Variants in AGBL4 observed in about 807,000 individuals in gnomAD.
AGBL4 encodes the protein cytosolic carboxypeptidase 6.
AGBL4 carries 58 observed loss-of-function variants against 66.4 expected under a neutral mutation model. The observed-to-expected ratio is 0.87, with a 90% CI of 0.71 to 1.09. The LOEUF (loss-of-function observed/expected upper bound fraction) is 1.09, where lower values mean the gene tolerates loss of function less well. AGBL4 is among the 50% of genes least tolerant of loss of function. The pLI is 0.00. For missense variants in AGBL4, 579 were observed against 631.0 expected (o/e 0.92, Z 0.88); for synonymous variants, 234 against 222.9 (o/e 1.05, Z -0.44).
At chr1:48,961,082 T>G (rs1300208218) in intron 5 of AGBL4, among the ~76,000 whole-genome samples, 39 of 134,524 alleles carry the variant, frequency 2.9e-4, no homozygotes, top group Admixed American at 5.1e-4. Context: ...CAGTCTGGGG[T>G]GTGTGTGTGT....
chr1:49,517,577 A>G (rs1434449615), intron 3 of AGBL4, among the ~76,000 whole-genome samples: 1 of 151,952 alleles, frequency 6.6e-6, no homozygotes, highest in Non-Finnish European at 1.5e-5. Flanking sequence ...TAAGCCAGGC[A>G]CTATGCTAGG....
intron 3 of AGBL4, among the ~76,000 whole-genome samples, chr1:49,258,268 C>T (rs193224244): frequency 1.5e-4 from 23 of 152,288 alleles, no homozygotes; most frequent in East Asian, 3.9e-4. Context: ...TCCAAAGGAA[C>T]GCAGTTCCTC....
At chr1:49,698,110 T>C (rs138592766) in intron 2 of AGBL4, among the ~76,000 whole-genome samples, 15 of 152,258 alleles carry the variant, frequency 9.9e-5, no homozygotes, top group African/African-American at 3.6e-4. Context: ...TCACTGATAT[T>C]CTAATGAGCA....
intron 5 of AGBL4, among the ~76,000 whole-genome samples, chr1:49,017,493 A>G (rs1188739088): frequency 6.6e-6 from 1 of 152,190 alleles, no homozygotes; most frequent in Non-Finnish European, 1.5e-5. Flanking sequence ...TAATGGAGAT[A>G]TTTGGAGTTC....
intron 9 of AGBL4, among the ~76,000 whole-genome samples, chr1:48,613,322 C>T (rs1353641235): frequency 6.6e-6 from 1 of 152,110 alleles, no homozygotes; most frequent in African/African-American, 2.4e-5. Context: ...TATTAATTTG[C>T]TTCCCTAAAG....
At chr1:49,237,619 G>C (rs1240111960) in intron 4 of AGBL4, among the ~76,000 whole-genome samples, 1 of 140,484 alleles carries the variant, frequency 7.1e-6, no homozygotes, top group Non-Finnish European at 1.5e-5. Context: ...CAATTTGAGT[G>C]AGGTGTAGAA....
intron 6 of AGBL4, among the ~76,000 whole-genome samples, chr1:48,817,238 G>A (rs1320568097): frequency 2.0e-5 from 3 of 152,130 alleles, no homozygotes; most frequent in Non-Finnish European, 4.4e-5. Flanking sequence ...TGGAATAGTG[G>A]TATTCTGTTA....
At chr1:48,795,396 C>A (rs187088492) in intron 6 of AGBL4, among the ~76,000 whole-genome samples, 248 of 152,170 alleles carry the variant, frequency 1.6e-3, no homozygotes, top group African/African-American at 5.4e-3. Flanking sequence ...TCCTCCCCCT[C>A]CCCCTTTTCC....
chr1:48,663,696 A>T (rs1646142812), intron 6 of AGBL4, among the ~76,000 whole-genome samples: 2 of 152,348 alleles, frequency 1.3e-5, no homozygotes, highest in South Asian at 4.1e-4. Flanking sequence ...CACAGTAAAC[A>T]TTCAGTAAAT....
intron 1 of AGBL4, among the ~76,000 whole-genome samples, chr1:49,915,479 G>A (rs773278705): frequency 4.6e-5 from 7 of 152,080 alleles, no homozygotes; most frequent in African/African-American, 7.2e-5. Context: ...ACCGGGCCTC[G>A]CTCATTGCTA....
At chr1:48,678,062 G>T (rs201098228) in intron 6 of AGBL4, among the ~76,000 whole-genome samples, 2 of 152,196 alleles carry the variant, frequency 1.3e-5, no homozygotes, top group East Asian at 3.9e-4. Flanking sequence ...CTGTGCTGCC[G>T]AAGTACCTCG....
At chr1:48,546,797 G>A (rs530693963) in intron 11 of AGBL4, among the ~76,000 whole-genome samples, 1 of 149,492 alleles carries the variant, frequency 6.7e-6, no homozygotes, top group Non-Finnish European at 1.5e-5. Context: ...AACAAAAGAA[G>A]ACAAAACCAA....
intron 6 of AGBL4, among the ~76,000 whole-genome samples, chr1:48,859,718 C>A (rs916488269): frequency 2.6e-5 from 4 of 152,204 alleles, no homozygotes; most frequent in Non-Finnish European, 4.4e-5. Flanking sequence ...TAAGCTTTTG[C>A]AATTTGATGT....
intron 2 of AGBL4, among the ~76,000 whole-genome samples, chr1:49,705,656 A>G (rs1647196352): frequency 6.6e-6 from 1 of 152,150 alleles, no homozygotes; most frequent in Non-Finnish European, 1.5e-5. Context: ...TTGGTCATTC[A>G]GTATGATATT....
At chr1:49,340,385 T>A (rs549559483) in intron 3 of AGBL4, among the ~76,000 whole-genome samples, 39 of 152,176 alleles carry the variant, frequency 2.6e-4, no homozygotes, top group Non-Finnish European at 4.6e-4. Context: ...CTATTTAGCC[T>A]CTAGTGTTAA....
At chr1:49,540,372 C>A (rs756469285) in intron 3 of AGBL4, among the ~76,000 whole-genome samples, 2 of 152,172 alleles carry the variant, frequency 1.3e-5, no homozygotes, top group Non-Finnish European at 2.9e-5. Context: ...AACTCAAATG[C>A]CAACTCCTCT....
chr1:49,171,124 G>A (rs1297506193), intron 4 of AGBL4, among the ~76,000 whole-genome samples: 6 of 152,158 alleles, frequency 3.9e-5, no homozygotes, highest in African/African-American at 1.4e-4. Flanking sequence ...TGAACTCAGG[G>A]AGGTGTGTTT....
At chr1:49,948,560 T>TTA (rs1655752813) in intron 1 of AGBL4, among the ~76,000 whole-genome samples, 1 of 100,820 alleles carries the variant, frequency 9.9e-6, no homozygotes, top group African/African-American at 3.5e-5. Flanking sequence ...TATAAATATA[T>TTA]AAAAATATAT....
rs577232394 is a variant in AGBL4, at chr1:48,890,185, G to A, written c.595-22955C>T. ...GGCCTCCTTTCACCCTGTCTCTCAC[G>A]CAGGTTTACCCATACCTCAAGACTA... On this transcript the variant is annotated intron_variant, in intron 5 of 13. Coordinates refer to ENST00000371839, the MANE Select transcript of AGBL4 (RefSeq NM_032785.4). Among the ~76,000 whole-genome samples, 13 of 152,076 alleles carry A rather than the reference G, an allele frequency of 8.5e-5. No homozygotes were observed. The South Asian group carries it at 2.3e-3, about 27-fold the overall frequency.
Sources: gnomAD v4.1 joint callset for allele counts (sites outside exome capture counted in the v4.1 genomes callset) on GRCh38, gnomAD v4.1.1 for gene constraint, MANE v1.5 for transcripts, NCBI Gene and HGNC (gene_info 2026-07-23, HGNC 2026-07-21) for gene names.